Variants in ZNF423 observed in about 807,000 individuals in gnomAD.
The protein encoded by ZNF423 is Ebf-associated zinc finger protein.
ZNF423 carries 12 observed loss-of-function variants against 95.8 expected under a neutral mutation model. The observed-to-expected ratio is 0.13, with a 90% CI of 0.08 to 0.20. The LOEUF (loss-of-function observed/expected upper bound fraction) is 0.20, where lower values mean the gene tolerates loss of function less well. ZNF423 is among the 10% of genes least tolerant of loss of function. The pLI, the probability that ZNF423 is intolerant of heterozygous loss-of-function variation, is 1.00. For synonymous variants in ZNF423, 749 were observed against 711.9 expected (o/e 1.05, Z -0.83); for missense variants, 1,316 against 1,737.1 (o/e 0.76, Z 4.31).
chr16:49,630,182 C>A (rs1567514538), intron 4 of ZNF423, among the ~76,000 whole-genome samples: 3 of 152,124 alleles, frequency 2.0e-5, no homozygotes, highest in Non-Finnish European at 4.4e-5. Context: ...TCCAGCCTTG[C>A]CACAGACAAA....
intron 5 of ZNF423, among the ~76,000 whole-genome samples, chr16:49,529,847 G>A (rs573110804): frequency 4.9e-4 from 74 of 152,108 alleles, no homozygotes; most frequent in Non-Finnish European, 8.8e-4. Flanking sequence ...GGTGCACTGA[G>A]CGTGACCTGC....
rs796834568 is a variant in ZNF423, at chr16:49,492,472, AGGCCGGGGCCGGGGCCGGGGCCGG to A, written c.3850-1192_3850-1169del. 1.3e-5 allele frequency among the ~76,000 whole-genome samples: 2 copies of A among 151,986 alleles called. No individual in the cohort carries two copies. Among genetic ancestry groups the A allele is most frequent in the Non-Finnish European group, 2.9e-5 (2 of 67,948 alleles). On this transcript the variant is annotated intron_variant, in intron 7 of 7. Coordinates refer to ENST00000563137, the MANE Select transcript of ZNF423 (RefSeq NM_001379286.1). This position sits in a 1 kb window ranked among gnomAD's most constrained non-coding sequence, Gnocchi z 4.2. ...TGCCAGTAGCCTCGCCCGGAGGCCG[AGGCCGGGGCCGGGGCCGGGGCCGG>A]GGCCGAGACGGGCCACTCCTGCTCC...
At position 49,798,618 on chromosome 16, in the gene ZNF423, T is replaced by A. The variant is rs186772375; in HGVS notation, c.41-9072A>T. 2.5e-3 allele frequency among the ~76,000 whole-genome samples: 384 copies of A among 151,800 alleles called. 1 individual carries two copies. The highest frequency in any genetic ancestry group is 0.014 in the East Asian group (71 of 5,182). On this transcript the variant is annotated intron_variant, in intron 1 of 7. Coordinates refer to ENST00000563137, the MANE Select transcript of ZNF423 (RefSeq NM_001379286.1). The stretch of plus-strand genomic sequence containing the variant: ...AAAAATAAATACATACAATTTTTTT[T>A]AAAAAAATTAAAGCAGAATATTCCA...
In ZNF423 at chr16:49,591,147, G is replaced by A. The variant is rs148056736; in HGVS notation, c.3601+35023C>T. Among the ~76,000 whole-genome samples, 341 of 152,232 alleles carry A rather than the reference G, an allele frequency of 2.2e-3. 1 individual carries two copies. The highest frequency in any genetic ancestry group is 2.6e-3 in the Non-Finnish European group (175 of 68,006). On this transcript the variant is annotated intron_variant, in intron 5 of 7. Transcript: ENST00000563137. ...CAAACCAAGTGTGCTAAAATAGTAC[G>A]GACAGTATAAGTCCACTGCAAACTA...
At chr16:49,609,940 A>G (rs2151842614) in intron 5 of ZNF423, among the ~76,000 whole-genome samples, 1 of 152,322 alleles carries the variant, frequency 6.6e-6, no homozygotes, top group Non-Finnish European at 1.5e-5. Flanking sequence ...GCAGCTGGAG[A>G]AAAAATGACA....
At chr16:49,759,049 G>C (rs2033778332) in intron 2 of ZNF423, among the ~76,000 whole-genome samples, 1 of 152,138 alleles carries the variant, frequency 6.6e-6, no homozygotes, top group Non-Finnish European at 1.5e-5. Flanking sequence ...TGGGTTTCTA[G>C]ATCTGTGTTT....
intron 7 of ZNF423, among the ~76,000 whole-genome samples, chr16:49,505,057 G>A (rs890266680): frequency 6.6e-6 from 1 of 152,134 alleles, no homozygotes; most frequent in Non-Finnish European, 1.5e-5. Context: ...GTTTTGCCAG[G>A]TTGGAAAAAA....
intron 2 of ZNF423, among the ~76,000 whole-genome samples, chr16:49,752,962 G>A (rs1053215973): frequency 3.9e-5 from 6 of 152,214 alleles, no homozygotes; most frequent in African/African-American, 7.2e-5. Context: ...TCAGAAAATC[G>A]ACCAGGCACA....
intron 5 of ZNF423, among the ~76,000 whole-genome samples, chr16:49,614,250 T>A (rs973787233): frequency 3.9e-5 from 6 of 152,202 alleles, no homozygotes; most frequent in African/African-American, 1.4e-4. Flanking sequence ...CAATGAGATA[T>A]CACAATGCAA....
At chr16:49,616,100 G>A (rs927617696) in intron 5 of ZNF423, among the ~76,000 whole-genome samples, 9 of 152,082 alleles carry the variant, frequency 5.9e-5, no homozygotes, top group Non-Finnish European at 1.2e-4. Flanking sequence ...GGGACAAAAT[G>A]GCAAAGACTG....
At chr16:49,718,465 A>T (rs537677317) in intron 3 of ZNF423, among the ~76,000 whole-genome samples, 1 of 152,308 alleles carries the variant, frequency 6.6e-6, no homozygotes, top group African/African-American at 2.4e-5. Context: ...GTTCTAAGGA[A>T]CACACTTCTC....
At chr16:49,783,632 G>T (rs1247400563) in intron 2 of ZNF423, among the ~76,000 whole-genome samples, 2 of 144,886 alleles carry the variant, frequency 1.4e-5, no homozygotes, top group Admixed American at 6.9e-5. Flanking sequence ...GGGAGAGAGG[G>T]GGGGTTAGGG....
chr16:49,586,537 C>T (rs1375523669), intron 5 of ZNF423, among the ~76,000 whole-genome samples: 1 of 152,214 alleles, frequency 6.6e-6, no homozygotes, highest in Non-Finnish European at 1.5e-5. Flanking sequence ...TAAGATATTC[C>T]TGGCCGCATC....
intron 2 of ZNF423, among the ~76,000 whole-genome samples, chr16:49,731,616 C>T (rs1047740497): frequency 3.3e-5 from 5 of 151,344 alleles, no homozygotes; most frequent in Admixed American, 6.6e-5. Flanking sequence ...AGTTTGAGAC[C>T]GGCCTGGGCA....
rs1453694487 is a variant in ZNF423, at chr16:49,815,879, AAAATATATAT to A, written c.41-26343_41-26334del. Among the ~76,000 whole-genome samples the A allele has an allele frequency of 4.4e-3, 265 of 59,556 alleles. 1 individual carries two copies. Among genetic ancestry groups the A allele is most frequent in the Non-Finnish European group, 5.7e-3 (193 of 34,126 alleles). 39.1% of individuals were successfully genotyped at this position (59,556 alleles called of 152,430 possible). A position where few individuals can be genotyped will look rare whatever the true frequency, so the allele number is the denominator to read the frequency against. On this transcript the variant is annotated intron_variant, in intron 1 of 7. Transcript: ENST00000563137. ...TCTAATTCCAAACAAACAAAAAAAA[AAAATATATAT>A]ATATATATATATATATATATATATA...
At chr16:49,687,165 A>C (rs2151942818) in intron 3 of ZNF423, among the ~76,000 whole-genome samples, 1 of 151,968 alleles carries the variant, frequency 6.6e-6, no homozygotes, top group Admixed American at 6.5e-5. Context: ...ATCCACTAAT[A>C]AACAGTGGGC....
intron 1 of ZNF423, among the ~76,000 whole-genome samples, chr16:49,851,547 C>T (rs1470593983): frequency 1.3e-5 from 2 of 152,236 alleles, no homozygotes; most frequent in African/African-American, 4.8e-5. Flanking sequence ...TACTCAAGTG[C>T]TCCAGTTTCC....
rs1967521990 is a variant in ZNF423 at position 49,503,647 on chromosome 16, T to C, written c.3850-12343A>G. On this transcript the variant is annotated intron_variant, in intron 7 of 7. Coordinates refer to ENST00000563137, the MANE Select transcript of ZNF423 (RefSeq NM_001379286.1). ...CATCGCTCTGCACCTTGCAGAGGCT[T>C]CAACTCTGCATGTCCTGCAACTTGC... is the stretch of plus-strand genomic sequence containing the variant. Among the ~76,000 whole-genome samples, 3 of 152,174 alleles carry C rather than the reference T, an allele frequency of 2.0e-5. No homozygotes were observed. The South Asian group carries it at 6.2e-4, about 32-fold the overall frequency.
chr16:49,587,966 C>A (rs559864409), intron 5 of ZNF423, among the ~76,000 whole-genome samples: 1 of 152,296 alleles, frequency 6.6e-6, no homozygotes, highest in Admixed American at 6.5e-5. Context: ...CAGGCAATCA[C>A]TTCCTAACCC....
Sources: gnomAD v4.1 joint callset for allele counts (sites outside exome capture counted in the v4.1 genomes callset) on GRCh38, gnomAD v4.1.1 for gene constraint, Gnocchi (gnomAD v3.1) non-coding constraint, MANE v1.5 for transcripts, NCBI Gene and HGNC (gene_info 2026-07-23, HGNC 2026-07-21) for gene names.